The following ZNF774 variants were observed in gnomAD, a reference collection of about 807,000 sequenced individuals.
The protein encoded by ZNF774 is zinc finger protein 774.
A neutral mutation model predicts 11.1 loss-of-function variants in ZNF774; 14 were observed. That is an observed-to-expected ratio of 1.26 (90% CI 0.83 to 1.97). The LOEUF is 1.97. Among genes scored for constraint, ZNF774 ranks in the 30% most tolerant of loss-of-function variants. The pLI is 0.00. For synonymous variants in ZNF774, 195 were observed against 212.6 expected (o/e 0.92, Z 0.72); for missense variants, 599 against 587.0 (o/e 1.02, Z -0.21).
Position 90,360,462 on chromosome 15 carries a change from G to T in ZNF774, c.631G>T (p.Gly211Trp). The change falls in exon 4 of 4, where the codon GGG becomes TGG. Residue 211 changes from glycine (G) to tryptophan (W), a missense_variant. By Grantham distance (184) the Gly-to-Trp change is radical (BLOSUM62 -2). Coordinates refer to ENST00000354377, the MANE Select transcript of ZNF774 (RefSeq NM_001004309.3). ...AGGAGAGAAGCCCTACCAATGCAAG[G>T]GGTGTGAGAAGAAATTCAGCGACAG... ...HTGEKPYQCK[G>W]CEKKFSDSST... 1 of 1,613,722 alleles carries T rather than the reference G, an allele frequency of 6.2e-7. No homozygotes were observed. Among genetic ancestry groups the T allele is most frequent in the African/African-American group, 1.3e-5 (1 of 74,992 alleles).
intron 2 of ZNF774, among the ~76,000 whole-genome samples, chr15:90,355,826 C>T (rs1366000050): frequency 6.0e-5 from 9 of 149,764 alleles, no homozygotes; most frequent in East Asian, 2.0e-4. Flanking sequence ...GTCAGGAGAT[C>T]GAGACCATCC....
In ZNF774 at chr15:90,362,467, G is replaced by A. The variant is rs529213880; in HGVS notation, c.*1184G>A. Reference sequence around the variant, plus strand: ...GATCCTCCCTGGCATTTAGCTGAAGGAAGCAACTCTTGTTTTCTAATTTGC... The same window carrying A: ...GATCCTCCCTGGCATTTAGCTGAAGAAAGCAACTCTTGTTTTCTAATTTGC... On this transcript the variant is annotated 3_prime_UTR_variant, in exon 4 of 4. Coordinates refer to ENST00000354377, the MANE Select transcript of ZNF774 (RefSeq NM_001004309.3). The A allele has an allele frequency of 1.9e-5, 25 of 1,337,234 alleles. No individual in the cohort carries two copies. The South Asian group carries it at 3.0e-4, about 16-fold the overall frequency. 82.8% of individuals were successfully genotyped at this position (1,337,234 alleles called of 1,614,324 possible).
At chr15:90,356,123 C>CTTTCTT (rs1265295619) in intron 2 of ZNF774, among the ~76,000 whole-genome samples, 2 of 137,332 alleles carry the variant, frequency 1.5e-5, no homozygotes, top group Non-Finnish European at 3.1e-5. Context: ...TTCTTTCTTT[C>CTTTCTT]TTTTTTTTTT....
Position 90,361,586 on chromosome 15 carries a change from G to A in ZNF774, c.*303G>A. The A allele has an allele frequency of 2.9e-6, 3 of 1,029,198 alleles. No individual in the cohort carries two copies. Among genetic ancestry groups the A allele is most frequent in the Non-Finnish European group, 3.6e-6 (3 of 842,080 alleles). The allele number at this position is 1,029,198 out of a possible 1,614,324, so 63.8% of individuals were successfully genotyped here. On this transcript the variant is annotated 3_prime_UTR_variant, in exon 4 of 4. Transcript: ENST00000354377. ...CAGCACTTTTGGGAGGCCAAGGTGG[G>A]TGGATCACTTGAGGTCAGGAGTTGA...
intron 1 of ZNF774, among the ~76,000 whole-genome samples, chr15:90,354,204 C>T (rs1346072642): frequency 1.3e-5 from 2 of 151,972 alleles, no homozygotes; most frequent in Non-Finnish European, 2.9e-5. Flanking sequence ...AATCTGCAAG[C>T]CAAGAAGTTA....
Position 90,360,925 on chromosome 15 carries a change from A to G in ZNF774, c.1094A>G (p.His365Arg), listed in dbSNP as rs1964324371. ...AGTCAGAGCTCACATTTGGTCACGC[A>G]CCAAAGAACACACACAGGTGAGAGA... ...SFSQSSHLVT[H>R]QRTHTGERPF... Residue 365 changes from histidine to arginine, a missense_variant, in exon 4 of 4, where the codon CAC becomes CGC. Physicochemically the swap from His to Arg is conservative, Grantham distance 29. Transcript: ENST00000354377. 1.9e-6 allele frequency: 3 copies of G among 1,614,064 alleles called. No homozygotes were observed. Among genetic ancestry groups the G allele is most frequent in the African/African-American group, 1.3e-5 (1 of 74,924 alleles).
In ZNF774 at chr15:90,361,487, T is replaced by C; in HGVS notation, c.*204T>C. ...GAATACAAAAGGCATTCCTTCAGTG[T>C]GTGACTGACTCTTAGGGAAATGTGA... On this transcript the variant is annotated 3_prime_UTR_variant, in exon 4 of 4. Transcript: ENST00000354377. The C allele has an allele frequency of 5.9e-6, 8 of 1,358,060 alleles. No homozygotes were observed. Among genetic ancestry groups the C allele is most frequent in the South Asian group, 1.9e-5 (1 of 52,896 alleles). 84.1% of individuals were successfully genotyped at this position (1,358,060 alleles called of 1,614,324 possible). A position where few individuals can be genotyped will look rare whatever the true frequency, so the allele number is the denominator to read the frequency against.
In ZNF774 at chr15:90,360,990, A is replaced by C. The variant is rs759944180; in HGVS notation, c.1159A>C (p.Ser387Arg). 6.8e-6 allele frequency: 11 copies of C among 1,614,192 alleles called. No individual in the cohort carries two copies. In the Admixed American group the frequency reaches 1.7e-4, roughly 24 times the overall value. The change falls in exon 4 of 4, where the codon AGC becomes CGC. Residue 387 changes from serine (S) to arginine (R), a missense_variant. Physicochemically the swap from Ser to Arg is moderately radical, Grantham distance 110. Coordinates refer to ENST00000354377, the MANE Select transcript of ZNF774 (RefSeq NM_001004309.3). ...AAACTGTGGGAAAGGATTCGCCGAC[A>C]GCTCCGCCCTCATTAAGCACCAACG... ...CENCGKGFAD[S>R]SALIKHQRIH...
In ZNF774 at chr15:90,361,352, T is replaced by G; in HGVS notation, c.*69T>G. On this transcript the variant is annotated 3_prime_UTR_variant, in exon 4 of 4. Transcript: ENST00000354377. ...TGCTACTGTCTTCAAGCACCCCAAA[T>G]AGAGAAAACCTGGGCGTCAGTGGCT... 6.6e-7 allele frequency: 1 copy of G among 1,511,528 alleles called. No individual in the cohort carries two copies. The highest frequency in any genetic ancestry group is 2.3e-5 in the East Asian group (1 of 44,162). 93.6% of individuals were successfully genotyped at this position (1,511,528 alleles called of 1,614,324 possible). A position where few individuals can be genotyped will look rare whatever the true frequency, so the allele number is the denominator to read the frequency against.
chr15:90,361,451 A>T lies in ZNF774; in HGVS notation c.*168A>T, dbSNP rs183338766. 3 of 1,415,458 alleles carry T rather than the reference A, an allele frequency of 2.1e-6. No homozygotes were observed. Among genetic ancestry groups the T allele is most frequent in the Non-Finnish European group, 2.8e-6 (3 of 1,089,510 alleles). The allele number at this position is 1,415,458 out of a possible 1,614,324, so 87.7% of individuals were successfully genotyped here. A position where few individuals can be genotyped will look rare whatever the true frequency, so the allele number is the denominator to read the frequency against. On this transcript the variant is annotated 3_prime_UTR_variant, in exon 4 of 4. Transcript: ENST00000354377. ...AGAGAGGATAAACTTAAAGGGTCCA[A>T]ATAACGGTCCGAATACAAAAGGCAT...
rs78353959 is a variant in ZNF774 at position 90,360,753 on chromosome 15, A to G, written c.922A>G (p.Lys308Glu). The change falls in exon 4 of 4, where the codon AAG becomes GAG. Residue 308 changes from lysine to glutamate, a missense_variant. By Grantham distance (56) the Lys-to-Glu change is moderately conservative. Transcript: ENST00000354377. ...ESFSQSSDLI[K>E]HQRTHTGERP... The stretch of plus-strand genomic sequence containing the variant: ...TTTTAGCCAGAGCTCGGATTTGATT[A>G]AGCACCAACGAACCCACACGGGAGA... The G allele has an allele frequency of 2.5e-6, 4 of 1,614,198 alleles. No individual in the cohort carries two copies. The South Asian group carries it at 4.4e-5, about 18-fold the overall frequency.
In ZNF774 at chr15:90,361,413, T is replaced by G; in HGVS notation, c.*130T>G. On this transcript the variant is annotated 3_prime_UTR_variant, in exon 4 of 4. Transcript: ENST00000354377. ...CCTGATCTATTCTCCCTCTTTCTTG[T>G]CTATGTTATAACAGAGAGGATAAAC... 1 of 1,488,636 alleles carries G rather than the reference T, an allele frequency of 6.7e-7. No homozygotes were observed. The highest frequency in any genetic ancestry group is 8.9e-7 in the Non-Finnish European group (1 of 1,128,854). The allele number at this position is 1,488,636 out of a possible 1,614,324, so 92.2% of individuals were successfully genotyped here.
In ZNF774 at chr15:90,354,705, C is replaced by T; in HGVS notation, c.45C>T (p.Cys15=). ...GGAAGAGTGGGTTACCTGGACACTG[C>T]TTAGAGAATCCTCTCCAGGAATGCC... ...TSGKSGLPGH[C]LENPLQECHP... Residue 15 remains cysteine, a synonymous_variant, in exon 2 of 4, where the codon TGC becomes TGT. Coordinates refer to ENST00000354377, the MANE Select transcript of ZNF774 (RefSeq NM_001004309.3). 6.2e-7 allele frequency: 1 copy of T among 1,612,278 alleles called. No homozygotes were observed. Among genetic ancestry groups the T allele is most frequent in the Non-Finnish European group, 8.5e-7 (1 of 1,179,300 alleles).
At chr15:90,359,582 G>C (rs906588088) in intron 3 of ZNF774, among the ~76,000 whole-genome samples, 1 of 151,926 alleles carries the variant, frequency 6.6e-6, no homozygotes, top group African/African-American at 2.4e-5. Flanking sequence ...AGCCTCCCAA[G>C]TAGCTGGGAC....
chr15:90,361,044 TGTG>T lies in ZNF774; in HGVS notation c.1215_1217del (p.Cys405_Gly406delinsTer). The stretch of plus-strand genomic sequence containing the variant: ...CCACACCGGAGAAAGACCCTACAAA[TGTG>T]GAGAGTGTGGGAAGAGCTTCAATCA... On this transcript the variant is annotated stop_gained and inframe_deletion, in exon 4 of 4. Transcript: ENST00000354377. LOFTEE classifies it low-confidence loss of function (END_TRUNC). 2 of 1,614,162 alleles carry T rather than the reference TGTG, an allele frequency of 1.2e-6. No homozygotes were observed.
chr15:90,359,331 C>T (rs1317792864), intron 3 of ZNF774, among the ~76,000 whole-genome samples: 1 of 151,934 alleles, frequency 6.6e-6, no homozygotes, highest in East Asian at 1.9e-4. Flanking sequence ...CTCGGCCTCC[C>T]AAAGTGCTGG....
chr15:90,355,629 A>G (rs1306460456), intron 2 of ZNF774, among the ~76,000 whole-genome samples: 1 of 147,680 alleles, frequency 6.8e-6, no homozygotes, highest in Non-Finnish European at 1.5e-5. Context: ...AGGTTGAGGC[A>G]GGAGAATTGC....
chr15:90,360,370 C>T lies in ZNF774; in HGVS notation c.539C>T (p.Thr180Met), dbSNP rs761721032. 7 of 1,613,982 alleles carry T rather than the reference C, an allele frequency of 4.3e-6. No homozygotes were observed. The highest frequency in any genetic ancestry group is 4.0e-5 in the African/African-American group (3 of 74,886). Residue 180 changes from threonine to methionine, a missense_variant, in exon 4 of 4, where the codon ACG becomes ATG. Thr to Met is a moderately conservative substitution (Grantham distance 81). Coordinates refer to ENST00000354377, the MANE Select transcript of ZNF774 (RefSeq NM_001004309.3). ...ACCCACACTGGCGAGAGGCCCTATA[C>T]GTGCATTGAGTGTGGGAAAGGCTTC... ...LRTHTGERPY[T>M]CIECGKGFKQ...
intron 1 of ZNF774, among the ~76,000 whole-genome samples, chr15:90,353,425 A>AGT (rs56080142): frequency 0.15 from 20,735 of 139,224 alleles, 1,526 homozygotes; most frequent in African/African-American, 0.19. Context: ...TTCCCCCAAA[A>AGT]GTGTGTGTGT....
Sources: gnomAD v4.1 joint callset for allele counts (sites outside exome capture counted in the v4.1 genomes callset) on GRCh38, gnomAD v4.1.1 for gene constraint, MANE v1.5 for transcripts, NCBI Gene and HGNC (gene_info 2026-07-23, HGNC 2026-07-21) for gene names.